Variants in HERC2 observed in about 807,000 individuals in gnomAD.
HERC2 encodes HECT and RLD domain containing E3 ubiquitin protein ligase 2, also known as E3 ubiquitin-protein ligase HERC2.
In HERC2, 102 loss-of-function variants were observed where a neutral mutation model predicts 537.7. The observed-to-expected ratio is 0.19, with a 90% CI of 0.16 to 0.22. HERC2 has a LOEUF of 0.22. Among genes scored for constraint, HERC2 ranks in the 10% least tolerant of loss-of-function variants. HERC2 has a pLI of 1.00. For synonymous variants in HERC2, 2,224 were observed against 2,466.2 expected (o/e 0.90, Z 2.91); for missense variants, 4,236 against 6,198.2 (o/e 0.68, Z 10.63).
chr15:28,251,661 G>C (rs181889482), intron 20 of HERC2, among the ~76,000 whole-genome samples: 1 of 151,196 alleles, frequency 6.6e-6, no homozygotes, highest in Non-Finnish European at 1.5e-5. Context: ...TCAGCAAGGC[G>C]TGGTGGTGTA....
chr15:28,297,583 T>A (rs1218770738), intron 3 of HERC2, among the ~76,000 whole-genome samples: 1 of 151,524 alleles, frequency 6.6e-6, no homozygotes, highest in Admixed American at 6.6e-5. Context: ...TCAAAAGCAC[T>A]AAACAGAGTG....
intron 69 of HERC2, among the ~76,000 whole-genome samples, chr15:28,158,242 T>C: frequency 6.6e-6 from 1 of 152,196 alleles, no homozygotes; most frequent in East Asian, 1.9e-4. Flanking sequence ...TCTGTAGATG[T>C]CTATTAGGTT....
Position 28,281,027 on chromosome 15 carries a change from A to G in HERC2, c.323-740T>C, listed in dbSNP as rs146304086. Among the ~76,000 whole-genome samples, 502 of 152,288 alleles carry G rather than the reference A, an allele frequency of 3.3e-3. 3 individuals carry two copies. Among genetic ancestry groups the G allele is most frequent in the African/African-American group, 0.011 (477 of 41,552 alleles). On this transcript the variant is annotated intron_variant, in intron 4 of 92. Coordinates refer to ENST00000261609, the MANE Select transcript of HERC2 (RefSeq NM_004667.6). ...CATTATTTTCATGTTACAAAACCAA[A>G]TTCAATATAAAAACGATGTCTTGAT...
At chr15:28,263,499 C>T (rs1217257972) in intron 14 of HERC2, among the ~76,000 whole-genome samples, 1 of 152,188 alleles carries the variant, frequency 6.6e-6, no homozygotes, top group Non-Finnish European at 1.5e-5. Flanking sequence ...TGGGGCCTGG[C>T]ACATTGCAGA....
intron 85 of HERC2, among the ~76,000 whole-genome samples, chr15:28,123,648 A>G (rs933782899): frequency 6.6e-6 from 1 of 152,200 alleles, no homozygotes; most frequent in Non-Finnish European, 1.5e-5. Context: ...ATCCTGAGAG[A>G]AACAGCCCAA....
chr15:28,214,645 G>A lies in HERC2; in HGVS notation c.6358+10C>T, dbSNP rs1279855894. On this transcript the variant is annotated intron_variant, in intron 40 of 92. Transcript: ENST00000261609. ...TCACCAGGGCACAGGGAAGGTAGAC[G>A]GCCACCCACCTCTGAGTAATGGCAC... 24 of 1,611,724 alleles carry A rather than the reference G, an allele frequency of 1.5e-5. No homozygotes were observed. The East Asian group carries it at 2.5e-4, about 16-fold the overall frequency.
At chr15:28,232,777 A>T (rs1172515852) in intron 30 of HERC2, among the ~76,000 whole-genome samples, 1 of 152,212 alleles carries the variant, frequency 6.6e-6, no homozygotes, top group East Asian at 1.9e-4. Flanking sequence ...TTCCAAACAA[A>T]AAACATTTCT....
At chr15:28,188,007 C>G (rs1367510557) in intron 55 of HERC2, among the ~76,000 whole-genome samples, 1 of 152,166 alleles carries the variant, frequency 6.6e-6, no homozygotes, top group Non-Finnish European at 1.5e-5. Context: ...ACCTCAAGAT[C>G]TACCATTTCA....
rs768474907 is a variant in HERC2 at position 28,124,106 on chromosome 15, G to A, written c.13119C>T (p.Leu4373=). 4.4e-6 allele frequency: 7 copies of A among 1,607,530 alleles called. No homozygotes were observed. Among genetic ancestry groups the A allele is most frequent in the African/African-American group, 2.7e-5 (2 of 74,580 alleles). ...CAGAAGGCCCGAGTCCAGTTTCGTC[G>A]AGCGAGCCTTCCAGGTCGAACATGG... ...CIPMFDLEGS[L]DETGLGPSVG... is the part of the protein sequence containing the mutation. The change falls in exon 85 of 93, where the codon CTC becomes CTT. Residue 4373 remains leucine (L), a synonymous_variant. Transcript: ENST00000261609.
At chr15:28,291,701 T>C (rs2076317421) in intron 4 of HERC2, among the ~76,000 whole-genome samples, 1 of 151,866 alleles carries the variant, frequency 6.6e-6, no homozygotes, top group Non-Finnish European at 1.5e-5. Context: ...TGAAAGTCCA[T>C]CCATGATAAA....
chr15:28,176,314 T>C lies in HERC2; in HGVS notation c.9686+114A>G, dbSNP rs1895285077. 2 of 848,936 alleles carry C rather than the reference T, an allele frequency of 2.4e-6. No individual in the cohort carries two copies. Among genetic ancestry groups the C allele is most frequent in the South Asian group, 1.7e-5 (1 of 58,200 alleles). 52.6% of individuals were successfully genotyped at this position (848,936 alleles called of 1,614,324 possible). ...CCTTTAAAGGACAAAGATGCATGCA[T>C]AAGTAAAAAGAGGACACGTCACAAT... is the stretch of plus-strand genomic sequence containing the variant. On this transcript the variant is annotated intron_variant, in intron 63 of 92. Transcript: ENST00000261609. This position sits in a 1 kb window ranked among gnomAD's most constrained non-coding sequence, Gnocchi z 5.0.
intron 3 of HERC2, among the ~76,000 whole-genome samples, chr15:28,293,697 G>A (rs780192188): frequency 6.2e-4 from 94 of 152,114 alleles, no homozygotes; most frequent in Non-Finnish European, 8.1e-4. Context: ...GTGTAGAACA[G>A]GAGTATGATT....
chr15:28,217,146 CAACCCTCA>C (rs1200215541), intron 38 of HERC2, among the ~76,000 whole-genome samples: 1 of 151,692 alleles, frequency 6.6e-6, no homozygotes, highest in African/African-American at 2.4e-5. Context: ...TCACACTCAC[CAACCCTCA>C]CTGACTTACA....
intron 23 of HERC2, among the ~76,000 whole-genome samples, chr15:28,244,962 T>G (rs1903513981): frequency 6.6e-6 from 1 of 152,146 alleles, no homozygotes; most frequent in Non-Finnish European, 1.5e-5. Context: ...CATGGTGACT[T>G]AGATTCAAAA....
chr15:28,315,258 G>A (rs182159054), intron 2 of HERC2, among the ~76,000 whole-genome samples: 101 of 152,330 alleles, frequency 6.6e-4, no homozygotes, highest in African/African-American at 2.4e-3. Context: ...TCATACCACA[G>A]GGAATTCACA....
rs991142776 is a variant in HERC2 at position 28,122,001 on chromosome 15, C to T, written c.13189-572G>A. 1.3e-5 allele frequency among the ~76,000 whole-genome samples: 2 copies of T among 149,312 alleles called. No homozygotes were observed. The highest frequency in any genetic ancestry group is 2.5e-5 in the African/African-American group (1 of 40,636). On this transcript the variant is annotated intron_variant, in intron 85 of 92. Coordinates refer to ENST00000261609, the MANE Select transcript of HERC2 (RefSeq NM_004667.6). The surrounding 1 kb of genome is among the most constrained non-coding windows in gnomAD (Gnocchi z 4.1). Reference sequence around the variant, plus strand: ...AGCAGCCACGGGCCAGGGAGCACCGCGGAGCCAGCCGGACCTTGGATCGCC... The same window carrying T: ...AGCAGCCACGGGCCAGGGAGCACCGTGGAGCCAGCCGGACCTTGGATCGCC...
At position 28,113,060 on chromosome 15, in the gene HERC2, C is replaced by CA; in HGVS notation, c.14232+10dup. ...TCAGCCCAGGGCCGGCAAGCCCAGC[C>CA]AGGAGCCTACCTGGATGACGAAGTC... On this transcript the variant is annotated intron_variant, in intron 92 of 92. Transcript: ENST00000261609. This position sits in a 1 kb window ranked among gnomAD's most constrained non-coding sequence, Gnocchi z 7.0. 6.2e-7 allele frequency: 1 copy of CA among 1,611,160 alleles called. No individual in the cohort carries two copies. Among genetic ancestry groups the CA allele is most frequent in the Non-Finnish European group, 8.5e-7 (1 of 1,178,770 alleles).
At position 28,198,486 on chromosome 15, in the gene HERC2, A is replaced by T. The variant is rs759038266; in HGVS notation, c.7903T>A (p.Ser2635Thr). ...TCACCAATCTTGATGTGAGAAGAAG[A>T]ACTTGGTGGAGGATAGCCTACAGAT... Reference protein sequence around the residue: ...VELIGYPPPSSSSHIKIGDKV... With the variant: ...VELIGYPPPSTSSHIKIGDKV... The change falls in exon 50 of 93, where the codon TCT (serine) becomes ACT (threonine). Residue 2635 changes from serine (S) to threonine (T), a missense_variant. This residue lies in a region of HERC2 where 606 missense variants were observed against 884.5 expected (regional missense o/e 0.69). Coordinates refer to ENST00000261609, the MANE Select transcript of HERC2 (RefSeq NM_004667.6). The T allele has an allele frequency of 3.7e-6, 6 of 1,613,996 alleles. No homozygotes were observed. The African/African-American group carries it at 4.0e-5, about 11-fold the overall frequency.
rs1335705718 is a variant in HERC2, at chr15:28,257,291, A to G, written c.2317-30T>C. The G allele has an allele frequency of 1.9e-6, 3 of 1,594,658 alleles. No homozygotes were observed. The East Asian group carries it at 6.7e-5, about 36-fold the overall frequency. ...GAGGAAACGCAACAATCTAAAATGAATCTCCAAATGCAGCTGCTGGTCTGC... is the reference window on the plus strand; with the variant it reads ...GAGGAAACGCAACAATCTAAAATGAGTCTCCAAATGCAGCTGCTGGTCTGC... On this transcript the variant is annotated intron_variant, in intron 16 of 92. Transcript: ENST00000261609.
Sources: allele counts gnomAD v4.1 joint callset (sites outside exome capture counted in the v4.1 genomes callset), GRCh38; gene constraint gnomAD v4.1.1; regional missense constraint gnomAD v4.1.1; non-coding constraint Gnocchi (gnomAD v3.1); transcripts MANE v1.5; gene names NCBI Gene and HGNC (gene_info 2026-07-23, HGNC 2026-07-21).